The following PALM2AKAP2 variants were observed in gnomAD, a reference collection of about 807,000 sequenced individuals.
PALM2AKAP2 encodes PALM2-AKAP2 fusion protein.
In PALM2AKAP2, 37 loss-of-function variants were observed where a neutral mutation model predicts 71.5. The ratio of observed to expected loss-of-function variants is 0.52; its 90% CI spans 0.40 to 0.68. The LOEUF is 0.68. PALM2AKAP2 is among the 30% of genes least tolerant of loss of function. The pLI, the probability that PALM2AKAP2 is intolerant of heterozygous loss-of-function variation, is 0.00. For missense variants in PALM2AKAP2, 1,224 were observed against 1,191.8 expected, an observed-to-expected ratio of 1.03 and a Z score of -0.40; for synonymous variants, 468 against 478.8, an observed-to-expected ratio of 0.98 and a Z score of 0.29.
chr9:109,905,695 G>C (rs1830431594), intron 3 of PALM2AKAP2, among the ~76,000 whole-genome samples: 1 of 152,330 alleles, frequency 6.6e-6, no homozygotes, highest in South Asian at 2.1e-4. Flanking sequence ...CAGTAATGCA[G>C]CTCAGTAGGT....
chr9:109,867,786 T>C (rs374878011), intron 2 of PALM2AKAP2, among the ~76,000 whole-genome samples: 52 of 152,248 alleles, frequency 3.4e-4, no homozygotes, highest in African/African-American at 1.2e-3. Flanking sequence ...AAGATTACAG[T>C]GTGCATGTGG....
upstream of PALM2AKAP2, among the ~76,000 whole-genome samples, chr9:110,047,183 A>G (rs1426459808): frequency 1.3e-5 from 2 of 152,218 alleles, no homozygotes; most frequent in African/African-American, 4.8e-5. Context: ...TTGAAATTCA[A>G]TAGTATAAGA....
chr9:110,084,649 T>G (rs1166322256), intron 1 of PALM2AKAP2, among the ~76,000 whole-genome samples: 3 of 152,230 alleles, frequency 2.0e-5, no homozygotes, highest in Non-Finnish European at 4.4e-5. Flanking sequence ...TGTAAATAGT[T>G]TTTATACTGT....
intron 1 of PALM2AKAP2, among the ~76,000 whole-genome samples, chr9:109,823,465 A>G (rs1828064145): frequency 6.6e-6 from 1 of 152,202 alleles, no homozygotes; most frequent in African/African-American, 2.4e-5. Context: ...TATTTTCTGT[A>G]TAAACTGGGA....
chr9:109,898,250 T>C (rs1423031048), intron 3 of PALM2AKAP2, among the ~76,000 whole-genome samples: 1 of 152,234 alleles, frequency 6.6e-6, no homozygotes, highest in East Asian at 1.9e-4. Flanking sequence ...CCCCAGGTTA[T>C]AGCAACATCA....
intron 1 of PALM2AKAP2, among the ~76,000 whole-genome samples, chr9:109,650,522 T>C (rs950603389): frequency 6.6e-6 from 1 of 152,176 alleles, no homozygotes; most frequent in Non-Finnish European, 1.5e-5. Context: ...GCTCAAGAGA[T>C]CTTCTTGCCG....
intron 3 of PALM2AKAP2, among the ~76,000 whole-genome samples, chr9:109,894,421 C>T (rs141671655): frequency 2.6e-5 from 4 of 152,162 alleles, no homozygotes; most frequent in Admixed American, 2.0e-4. Flanking sequence ...TGCTTTATTA[C>T]AGAAAAGTGG....
chr9:109,740,666 T>A (rs1657477946), intron 1 of PALM2AKAP2, among the ~76,000 whole-genome samples: 1 of 152,170 alleles, frequency 6.6e-6, no homozygotes, highest in Non-Finnish European at 1.5e-5. Flanking sequence ...CTTTTGCCTT[T>A]TCTTTTTAGA....
At chr9:110,032,969 T>C (rs1764990606) in intron 7 of PALM2AKAP2, among the ~76,000 whole-genome samples, 1 of 151,992 alleles carries the variant, frequency 6.6e-6, no homozygotes, top group African/African-American at 2.4e-5. Context: ...GAATGTCGTA[T>C]TATATGTAGC....
At chr9:109,843,842 G>C (rs1017280904) in intron 1 of PALM2AKAP2, among the ~76,000 whole-genome samples, 1 of 152,206 alleles carries the variant, frequency 6.6e-6, no homozygotes, top group Non-Finnish European at 1.5e-5. Context: ...GACGAGGCCA[G>C]CTGGCTGCCT....
At chr9:110,111,180 G>A (rs1342069815) in intron 1 of PALM2AKAP2, among the ~76,000 whole-genome samples, 1 of 131,826 alleles carries the variant, frequency 7.6e-6, no homozygotes, top group African/African-American at 2.9e-5. Flanking sequence ...CAGTCTCAAT[G>A]GCTCAGGCTC....
intron 1 of PALM2AKAP2, among the ~76,000 whole-genome samples, chr9:110,064,490 C>A (rs146139356): frequency 3.3e-5 from 5 of 152,264 alleles, no homozygotes; most frequent in Admixed American, 2.6e-4. Flanking sequence ...GCCTGTAATC[C>A]CAGAACATTG....
intron 6 of PALM2AKAP2, among the ~76,000 whole-genome samples, chr9:109,960,131 C>T (rs1005723576): frequency 6.6e-6 from 1 of 152,166 alleles, no homozygotes; most frequent in Non-Finnish European, 1.5e-5. Flanking sequence ...CCCTCACTGG[C>T]CATTTTCACC....
intron 6 of PALM2AKAP2, among the ~76,000 whole-genome samples, chr9:110,010,054 G>A (rs893851714): frequency 1.3e-5 from 2 of 152,200 alleles, no homozygotes; most frequent in African/African-American, 4.8e-5. Context: ...GTGAGAGGGT[G>A]TATAAAAAGC....
chr9:109,716,525 G>A (rs566872640), intron 1 of PALM2AKAP2, among the ~76,000 whole-genome samples: 9 of 152,250 alleles, frequency 5.9e-5, no homozygotes, highest in East Asian at 3.9e-4. Context: ...AATTTCAAAC[G>A]TAAATGGGCA....
chr9:109,837,321 C>T (rs184952451), intron 1 of PALM2AKAP2, among the ~76,000 whole-genome samples: 18 of 152,210 alleles, frequency 1.2e-4, no homozygotes, highest in Admixed American at 2.0e-4. Context: ...TACAGAGAAG[C>T]AAATGATGAG....
chr9:109,939,390 C>A (rs915728991), intron 6 of PALM2AKAP2, among the ~76,000 whole-genome samples: 7 of 151,842 alleles, frequency 4.6e-5, no homozygotes, highest in African/African-American at 1.7e-4. Flanking sequence ...AGAGGGATAT[C>A]TGTAAACATC....
chr9:109,704,680 G>A (rs994192372), intron 1 of PALM2AKAP2, among the ~76,000 whole-genome samples: 1 of 152,096 alleles, frequency 6.6e-6, no homozygotes, highest in African/African-American at 2.4e-5. Context: ...TTTCACATGC[G>A]TGATAATCTT....
At chr9:110,015,353 C>T (rs1414703816) in intron 6 of PALM2AKAP2, among the ~76,000 whole-genome samples, 1 of 152,176 alleles carries the variant, frequency 6.6e-6, no homozygotes, top group East Asian at 1.9e-4. Flanking sequence ...GTAATCCCAA[C>T]ACTGGGAGGC....
Sources: gnomAD v4.1 joint callset for allele counts (sites outside exome capture counted in the v4.1 genomes callset) on GRCh38, gnomAD v4.1.1 for gene constraint, MANE v1.5 for transcripts, NCBI Gene and HGNC (gene_info 2026-07-23, HGNC 2026-07-21) for gene names.